Variants in KCND2 observed in about 807,000 individuals in gnomAD.
KCND2 encodes the protein A-type voltage-gated potassium channel KCND2.
KCND2 carries 16 observed loss-of-function variants against 54.4 expected under a neutral mutation model. The observed-to-expected ratio is 0.29, with a 90% confidence interval of 0.20 to 0.45. KCND2 has a LOEUF of 0.45. Ranked by LOEUF, KCND2 falls within the 20% of genes least tolerant of loss-of-function variation. The probability of loss-of-function intolerance (pLI) is 1.00; values close to 1 mark genes in which losing one functional copy is unlikely to be tolerated. For synonymous variants in KCND2, 317 were observed against 310.7 expected, an observed-to-expected ratio of 1.02 and a Z score of -0.21; for missense variants, 486 against 824.2, an observed-to-expected ratio of 0.59 and a Z score of 5.02.
chr7:120,468,045 G>A (rs1802404457), intron 1 of KCND2, among the ~76,000 whole-genome samples: 1 of 152,096 alleles, frequency 6.6e-6, no homozygotes, highest in South Asian at 2.1e-4. Flanking sequence ...TTACATTCAT[G>A]AAGGTAGGCT....
rs1793022234 is a variant in KCND2 at position 120,747,560 on chromosome 7, A to G, written c.1716-121A>G. The G allele has an allele frequency of 1.0e-4, 72 of 689,818 alleles. 2 individuals carry two copies. The South Asian group carries it at 1.2e-3, about 12-fold the overall frequency. The allele number at this position is 689,818 out of a possible 1,614,324, so 42.7% of individuals were successfully genotyped here. On this transcript the variant is annotated intron_variant, in intron 5 of 5. Transcript: ENST00000331113. The stretch of plus-strand genomic sequence containing the variant: ...GATTTGGTGTTTCATATTTTTAATT[A>G]TAATAACTTTCCTTAGACAATTAAA...
At chr7:120,320,550 A>G (rs945248551) in intron 1 of KCND2, among the ~76,000 whole-genome samples, 1 of 152,184 alleles carries the variant, frequency 6.6e-6, no homozygotes, top group African/African-American at 2.4e-5. Flanking sequence ...TGTCAAAGAC[A>G]GGGGATCACT....
At chr7:120,317,915 A>G (rs540587710) in intron 1 of KCND2, among the ~76,000 whole-genome samples, 9 of 152,200 alleles carry the variant, frequency 5.9e-5, no homozygotes, top group Admixed American at 1.3e-4. Flanking sequence ...AAGATACACA[A>G]TCTTCCTGCA....
At chr7:120,350,460 T>C (rs1800385180) in intron 1 of KCND2, among the ~76,000 whole-genome samples, 1 of 152,192 alleles carries the variant, frequency 6.6e-6, no homozygotes, top group African/African-American at 2.4e-5. Context: ...TAAGAGGATC[T>C]TAACTTTCAT....
intron 2 of KCND2, 68 bp from the exon 3 acceptor site, chr7:120,741,466 G>C: frequency 1.9e-6 from 2 of 1,026,534 alleles, no homozygotes; most frequent in Non-Finnish European, 1.5e-6. Context: ...GATTATACAA[G>C]GGTTCATTCA....
At position 120,316,721 on chromosome 7, in the gene KCND2, A is replaced by C. The variant is rs147548524; in HGVS notation, c.1115+40974A>C. On this transcript the variant is annotated intron_variant, in intron 1 of 5. Coordinates refer to ENST00000331113, the MANE Select transcript of KCND2 (RefSeq NM_012281.3). ...AAGCCTTTAAAACAGGTGTACTAGAAGTGTCCATGTGTAAATTTTTTCATT... is the reference window on the plus strand; with the variant it reads ...AAGCCTTTAAAACAGGTGTACTAGACGTGTCCATGTGTAAATTTTTTCATT... Among the ~76,000 whole-genome samples, 5 of 152,292 alleles carry C rather than the reference A, an allele frequency of 3.3e-5. No individual in the cohort carries two copies. The East Asian group carries it at 9.6e-4, about 29-fold the overall frequency.
At chr7:120,581,344 G>A (rs1223394308) in intron 1 of KCND2, among the ~76,000 whole-genome samples, 1 of 152,140 alleles carries the variant, frequency 6.6e-6, no homozygotes, top group Non-Finnish European at 1.5e-5. Flanking sequence ...TATATCATAG[G>A]ACGTTCTTAG....
At chr7:120,319,869 A>G (rs1449243695) in intron 1 of KCND2, among the ~76,000 whole-genome samples, 1 of 152,128 alleles carries the variant, frequency 6.6e-6, no homozygotes, top group African/African-American at 2.4e-5. Context: ...TCTAATTAGT[A>G]TCATGCTGCT....
chr7:120,328,972 T>C (rs1384753509), intron 1 of KCND2, among the ~76,000 whole-genome samples: 1 of 152,194 alleles, frequency 6.6e-6, no homozygotes, highest in African/African-American at 2.4e-5. Flanking sequence ...AATTGTTCAA[T>C]TGGTTACTTA....
intron 1 of KCND2, among the ~76,000 whole-genome samples, chr7:120,523,781 A>G (rs1289924224): frequency 6.7e-6 from 1 of 148,616 alleles, no homozygotes; most frequent in African/African-American, 2.5e-5. Context: ...ACAATTTGTT[A>G]TATATGTGTG....
chr7:120,481,780 G>A (rs1460476992), intron 1 of KCND2, among the ~76,000 whole-genome samples: 1 of 152,146 alleles, frequency 6.6e-6, no homozygotes, highest in African/African-American at 2.4e-5. Context: ...AAATTTTGGT[G>A]GTGTCCATGT....
chr7:120,490,436 G>C (rs1219781322), intron 1 of KCND2, among the ~76,000 whole-genome samples: 3 of 152,058 alleles, frequency 2.0e-5, no homozygotes, highest in African/African-American at 7.2e-5. Flanking sequence ...CACAGTTTTA[G>C]TTCTTGATAA....
At chr7:120,442,244 C>T (rs904854091) in intron 1 of KCND2, among the ~76,000 whole-genome samples, 1 of 152,066 alleles carries the variant, frequency 6.6e-6, no homozygotes, top group South Asian at 2.1e-4. Flanking sequence ...AGGCTGCTGT[C>T]CATGAGTCTA....
chr7:120,579,641 T>TAAATA (rs1389892311), intron 1 of KCND2, among the ~76,000 whole-genome samples: 2 of 120,054 alleles, frequency 1.7e-5, no homozygotes, highest in South Asian at 2.5e-4. Flanking sequence ...AATAAATAAA[T>TAAATA]AAATAAAATA....
intron 1 of KCND2, among the ~76,000 whole-genome samples, chr7:120,679,157 G>T (rs2116586319): frequency 6.6e-6 from 1 of 151,752 alleles, no homozygotes. Flanking sequence ...AAAGATTCTT[G>T]AGATTTTTAT....
intron 1 of KCND2, among the ~76,000 whole-genome samples, chr7:120,594,340 A>G (rs1792707789): frequency 6.6e-6 from 1 of 152,202 alleles, no homozygotes; most frequent in South Asian, 2.1e-4. Flanking sequence ...ACAAATTACC[A>G]TAGACTGGGT....
At chr7:120,683,516 A>G (rs1792164920) in intron 1 of KCND2, among the ~76,000 whole-genome samples, 1 of 152,302 alleles carries the variant, frequency 6.6e-6, no homozygotes, top group South Asian at 2.1e-4. Flanking sequence ...AACCAATGTG[A>G]AAAGTTCTGT....
intron 1 of KCND2, among the ~76,000 whole-genome samples, chr7:120,368,613 C>T (rs181044105): frequency 1.3e-5 from 2 of 152,142 alleles, no homozygotes; most frequent in South Asian, 2.1e-4. Context: ...ATACTAAGTG[C>T]GTAAGCTCTC....
intron 1 of KCND2, among the ~76,000 whole-genome samples, chr7:120,379,389 C>G (rs1316484755): frequency 6.6e-6 from 1 of 152,056 alleles, no homozygotes; most frequent in Non-Finnish European, 1.5e-5. Context: ...TTTAAGGTCA[C>G]AACTGGCCTT....
Sources: allele counts gnomAD v4.1 joint callset (sites outside exome capture counted in the v4.1 genomes callset), GRCh38; gene constraint gnomAD v4.1.1; transcripts MANE v1.5; gene names NCBI Gene and HGNC (gene_info 2026-07-23, HGNC 2026-07-21).